The following GPHN variants were observed in gnomAD, a reference collection of about 807,000 sequenced individuals.
The protein encoded by GPHN is gephyrin.
GPHN carries 17 observed loss-of-function variants against 95.5 expected under a neutral mutation model. That is an observed-to-expected ratio of 0.18 (90% CI 0.12 to 0.27). The LOEUF (loss-of-function observed/expected upper bound fraction) is 0.27. Among genes scored for constraint, GPHN ranks in the 10% least tolerant of loss-of-function variants. The probability of loss-of-function intolerance (pLI) is 1.00; values close to 1 mark genes in which losing one functional copy is unlikely to be tolerated. For missense variants in GPHN, 660 were observed against 978.1 expected (o/e 0.67, Z 4.34); for synonymous variants, 320 against 322.5 (o/e 0.99, Z 0.08).
intron 10 of GPHN, among the ~76,000 whole-genome samples, chr14:67,044,766 CCTCT>C (rs1594918112): frequency 6.6e-6 from 1 of 151,568 alleles, no homozygotes; most frequent in Non-Finnish European, 1.5e-5. Flanking sequence ...CTCCTGTCTC[CCTCT>C]CTCTGTCTCT....
chr14:67,124,211 G>A (rs2079170997), intron 17 of GPHN, among the ~76,000 whole-genome samples: 1 of 152,112 alleles, frequency 6.6e-6, no homozygotes, highest in African/African-American at 2.4e-5. Context: ...TTTGAGACCA[G>A]CCTGGCCAAC....
At chr14:67,504,748 G>T in the GPHN span, among the ~76,000 whole-genome samples, 1 of 152,120 alleles carries the variant, frequency 6.6e-6, no homozygotes, top group Non-Finnish European at 1.5e-5. Flanking sequence ...ATCTGGGCGT[G>T]GTGGCGGGTG....
At chr14:66,559,445 A>G (rs1291342308) in intron 1 of GPHN, among the ~76,000 whole-genome samples, 1 of 142,788 alleles carries the variant, frequency 7.0e-6, no homozygotes, top group Non-Finnish European at 1.5e-5. Context: ...CTGGTGTGAG[A>G]TGGTATCTCA....
the GPHN span, among the ~76,000 whole-genome samples, chr14:67,507,596 G>A: frequency 6.6e-6 from 1 of 152,048 alleles, no homozygotes; most frequent in Non-Finnish European, 1.5e-5. Context: ...GTACAGACAT[G>A]CGCCACCATG....
chr14:67,695,732 G>T, the GPHN span: 1 of 1,609,680 alleles, frequency 6.2e-7, no homozygotes, highest in South Asian at 1.1e-5. Context: ...CACCAGAGCG[G>T]GATGCTCCAG....
At chr14:66,988,829 A>G (rs897334878) in intron 9 of GPHN, among the ~76,000 whole-genome samples, 1 of 152,024 alleles carries the variant, frequency 6.6e-6, no homozygotes, top group African/African-American at 2.4e-5. Flanking sequence ...AAATTACTAC[A>G]GTAATTTATG....
chr14:67,143,220 T>G, intron 17 of GPHN, 142 bp from the exon 18 acceptor site: 2 of 695,414 alleles, frequency 2.9e-6, no homozygotes, highest in Non-Finnish European at 2.7e-6. Context: ...GCAGAGACCC[T>G]TTTGATTCCC....
intron 1 of GPHN, among the ~76,000 whole-genome samples, chr14:66,555,001 A>G (rs1224804777): frequency 6.6e-6 from 1 of 152,194 alleles, no homozygotes; most frequent in Non-Finnish European, 1.5e-5. Flanking sequence ...AACCTTATAA[A>G]GCTCTCAGCC....
At chr14:66,761,979 T>C (rs2058774494) in intron 2 of GPHN, among the ~76,000 whole-genome samples, 1 of 152,186 alleles carries the variant, frequency 6.6e-6, no homozygotes, top group Admixed American at 6.5e-5. Flanking sequence ...ATACTTTATT[T>C]TTCTAGCCTA....
rs1476978502 is a variant in GPHN at position 66,746,578 on chromosome 14, TCC to T, written c.144-29885_144-29884del. On this transcript the variant is annotated intron_variant, in intron 2 of 22. Coordinates refer to ENST00000478722, the MANE Select transcript of GPHN (RefSeq NM_020806.5). ...AGTATCAAATCCATAAATGGGCAGATCCAGGGTGAGTAAAAGTTCAAAACAAC... is the reference window on the plus strand; with the variant it reads ...AGTATCAAATCCATAAATGGGCAGATAGGGTGAGTAAAAGTTCAAAACAAC... Among the ~76,000 whole-genome samples, 964 of 152,294 alleles carry T rather than the reference TCC, an allele frequency of 6.3e-3. 12 individuals are homozygous for T. The highest frequency in any genetic ancestry group is 0.022 in the African/African-American group (918 of 41,560).
the GPHN span, among the ~76,000 whole-genome samples, chr14:67,483,086 C>T: frequency 6.6e-6 from 1 of 152,162 alleles, no homozygotes; most frequent in Admixed American, 6.5e-5. Context: ...ACTTGGCTCA[C>T]TGCAACCTCT....
chr14:67,623,699 G>A, the GPHN span, among the ~76,000 whole-genome samples: 5 of 151,856 alleles, frequency 3.3e-5, no homozygotes, highest in Admixed American at 2.0e-4. Flanking sequence ...CTGCCACTGC[G>A]CCTGACTAAT....
intron 2 of GPHN, among the ~76,000 whole-genome samples, chr14:66,728,189 A>G (rs1318828679): frequency 1.3e-5 from 2 of 152,138 alleles, no homozygotes; most frequent in African/African-American, 2.4e-5. Context: ...ACCTCTGCCT[A>G]GATTTCAGAG....
chr14:66,893,330 A>G (rs2064629951), intron 5 of GPHN, among the ~76,000 whole-genome samples: 1 of 152,130 alleles, frequency 6.6e-6, no homozygotes, highest in African/African-American at 2.4e-5. Context: ...GGGGCAGGAC[A>G]GTGGTTGCAG....
the GPHN span, among the ~76,000 whole-genome samples, chr14:67,297,842 A>G: frequency 1.2e-4 from 19 of 152,352 alleles, no homozygotes; most frequent in South Asian, 3.9e-3. Context: ...GAAGCTGAAT[A>G]AGATACAATT....
At chr14:66,930,222 TCTTC>T (rs1418502403) in intron 8 of GPHN, among the ~76,000 whole-genome samples, 6 of 152,152 alleles carry the variant, frequency 3.9e-5, no homozygotes, top group East Asian at 3.9e-4. Context: ...GTCTTCTCTT[TCTTC>T]CTTCCTTCCT....
At chr14:66,964,930 A>G (rs933619449) in intron 8 of GPHN, among the ~76,000 whole-genome samples, 7 of 152,280 alleles carry the variant, frequency 4.6e-5, no homozygotes, top group African/African-American at 1.7e-4. Context: ...TATATGAATG[A>G]CCAATCCTTT....
the GPHN span, among the ~76,000 whole-genome samples, chr14:67,695,446 G>C: frequency 3.9e-5 from 6 of 152,224 alleles, no homozygotes; most frequent in Non-Finnish European, 7.3e-5. Flanking sequence ...CACCGCCTGG[G>C]GTCTCGGGTG....
chr14:66,876,634 A>G (rs2063677239), intron 4 of GPHN, among the ~76,000 whole-genome samples: 1 of 152,252 alleles, frequency 6.6e-6, no homozygotes, highest in Non-Finnish European at 1.5e-5. Context: ...CAAATAAACT[A>G]GAAAATCTAG....
Sources: gnomAD v4.1 joint callset for allele counts (sites outside exome capture counted in the v4.1 genomes callset) on GRCh38, gnomAD v4.1.1 for gene constraint, MANE v1.5 for transcripts, NCBI Gene and HGNC (gene_info 2026-07-23, HGNC 2026-07-21) for gene names.